The following ARG2 variants were observed in gnomAD, a reference collection of about 807,000 sequenced individuals.
The protein encoded by ARG2 is arginase 2, also known as arginase-2, mitochondrial.
In ARG2, 21 loss-of-function variants were observed where a neutral mutation model predicts 39.4. That is an observed-to-expected ratio of 0.53 (90% CI 0.38 to 0.77). ARG2 has a LOEUF of 0.77. Among genes scored for constraint, ARG2 ranks in the 30% least tolerant of loss-of-function variants. ARG2 has a pLI of 0.00. For missense variants in ARG2, 378 were observed against 426.2 expected, an observed-to-expected ratio of 0.89 and a Z score of 1.00; for synonymous variants, 150 against 156.7, an observed-to-expected ratio of 0.96 and a Z score of 0.32.
At chr14:67,645,586 G>C (rs551838214) in intron 3 of ARG2, 57 bp from the exon 4 acceptor site, 7 of 1,571,486 alleles carry the variant, frequency 4.5e-6, no homozygotes, top group Admixed American at 3.6e-5. Context: ...GAGGACGTTT[G>C]TTATCGGTCA....
intron 1 of ARG2, 126 bp downstream of exon 1, chr14:67,620,214 C>G: frequency 2.4e-6 from 1 of 420,550 alleles, no homozygotes; most frequent in South Asian, 2.1e-5. Flanking sequence ...AGGGGAAGAG[C>G]TGGCCGGTTC....
chr14:67,643,552 A>G (rs563989720), intron 3 of ARG2, among the ~76,000 whole-genome samples: 145 of 152,338 alleles, frequency 9.5e-4, no homozygotes, highest in African/African-American at 3.3e-3. Context: ...AGGTGGGCAC[A>G]GTGGTGCATG....
intron 7 of ARG2, chr14:67,649,019 C>A (rs1183693350): frequency 6.6e-6 from 1 of 152,128 alleles, no homozygotes; most frequent in Non-Finnish European, 1.5e-5. Flanking sequence ...TTAGGCAGTA[C>A]AAAAAGGCAG....
rs369377810 is a variant in ARG2, at chr14:67,642,165, T to C, written c.185-21T>C. 3.7e-6 allele frequency: 6 copies of C among 1,610,574 alleles called. No homozygotes were observed. In the African/African-American group the frequency reaches 8.0e-5, roughly 22 times the overall value. On this transcript the variant is annotated intron_variant, in intron 2 of 7. Coordinates refer to ENST00000261783, the MANE Select transcript of ARG2 (RefSeq NM_001172.4). ...GAGATAGCACAGAAAATTCATCTTG[T>C]CATCCCTCATTTGCTTCCAGGCTGC...
chr14:67,646,563 C>A, intron 4 of ARG2, 81 bp from the exon 5 acceptor site: 1 of 1,124,790 alleles, frequency 8.9e-7, no homozygotes, highest in South Asian at 1.4e-5. Flanking sequence ...AAGCAGATTG[C>A]ATACCCACGG....
Position 67,645,698 on chromosome 14 carries a change from GTC to G in ARG2, c.420_421del (p.Trp141GlyfsTer2). On this transcript the variant is annotated frameshift_variant, in exon 4 of 8. Transcript: ENST00000261783. LOFTEE classifies it high-confidence loss of function. ...CCGACACTGCCCAGACCTTTGTGTT[GTC>G]TGGGTTGATGCCCATGCTGACATCA... is the stretch of plus-strand genomic sequence containing the variant. Reference protein sequence around the residue: ...HARHCPDLCVVWVDAHADINT... With the variant: ...HARHCPDLCVXWVDAHADINT... 6.2e-7 allele frequency: 1 copy of G among 1,614,002 alleles called. No individual in the cohort carries two copies. The highest frequency in any genetic ancestry group is 8.5e-7 in the Non-Finnish European group (1 of 1,179,956).
At position 67,648,163 on chromosome 14, in the gene ARG2, C is replaced by T; in HGVS notation, c.839C>T (p.Ala280Val). The T allele has an allele frequency of 6.2e-7, 1 of 1,613,912 alleles. No homozygotes were observed. Among genetic ancestry groups the T allele is most frequent in the Non-Finnish European group, 8.5e-7 (1 of 1,179,868 alleles). The change falls in exon 7 of 8, where the codon GCT (alanine) becomes GTT (valine). Residue 280 changes from alanine (A) to valine (V), a missense_variant. Ala to Val is a moderately conservative substitution (Grantham distance 64, BLOSUM62 0). Transcript: ENST00000261783. The stretch of plus-strand genomic sequence containing the variant: ...ACCTATCGAGAAGGCATGTATATTG[C>T]TGAGGAAATACACAATACAGGTATG... ...GLTYREGMYI[A>V]EEIHNTGLLS...
chr14:67,623,534 C>CTTTT (rs60604937), intron 2 of ARG2, among the ~76,000 whole-genome samples: 889 of 82,944 alleles, frequency 0.011, 118 homozygotes, highest in African/African-American at 0.039. Flanking sequence ...CTCAGGTAAC[C>CTTTT]TTTTTTTTTT....
chr14:67,649,898 T>C (rs1393665427), intron 7 of ARG2: 1 of 152,190 alleles, frequency 6.6e-6, no homozygotes, highest in Non-Finnish European at 1.5e-5. Context: ...TTAAATTCTA[T>C]AGAGAAGTGA....
Position 67,620,037 on chromosome 14 carries a change from G to A in ARG2, c.60G>A (p.Lys20=). Reference sequence around the variant, plus strand: ...AGACGCGAGTGCATTCCATCCTGAAGAAATCCGTCCACTCCGTGGCTGTGA... The same window carrying A: ...AGACGCGAGTGCATTCCATCCTGAAAAAATCCGTCCACTCCGTGGCTGTGA... ...LLQTRVHSIL[K]KSVHSVAVIG... The change falls in exon 1 of 8, where the codon AAG becomes AAA. Residue 20 remains lysine, a synonymous_variant. Coordinates refer to ENST00000261783, the MANE Select transcript of ARG2 (RefSeq NM_001172.4). 6.2e-7 allele frequency: 1 copy of A among 1,612,398 alleles called. No individual in the cohort carries two copies. Among genetic ancestry groups the A allele is most frequent in the Non-Finnish European group, 8.5e-7 (1 of 1,179,312 alleles).
chr14:67,630,418 C>T (rs1291673911), intron 2 of ARG2, among the ~76,000 whole-genome samples: 7 of 152,144 alleles, frequency 4.6e-5, no homozygotes, highest in African/African-American at 1.7e-4. Context: ...GTTGTAGCCT[C>T]AGCAGCAGGA....
intron 6 of ARG2, chr14:67,647,292 C>G: frequency 2.9e-6 from 1 of 344,624 alleles, no homozygotes; most frequent in Non-Finnish European, 5.3e-6. Context: ...TCTGAGATGA[C>G]AAGCATTTAT....
At chr14:67,624,089 G>C (rs75112362) in intron 2 of ARG2, among the ~76,000 whole-genome samples, 1 of 152,108 alleles carries the variant, frequency 6.6e-6, no homozygotes, top group Non-Finnish European at 1.5e-5. Context: ...GGGCCTAAGA[G>C]AAATGAAAAG....
chr14:67,636,685 G>A (rs765907055), intron 2 of ARG2, among the ~76,000 whole-genome samples: 2 of 152,186 alleles, frequency 1.3e-5, no homozygotes, highest in Non-Finnish European at 2.9e-5. Flanking sequence ...CAAGGCCAAA[G>A]GTAACATCTG....
At position 67,619,936 on chromosome 14, in the gene ARG2, C is replaced by A; in HGVS notation, c.-42C>A. 2 of 1,384,650 alleles carry A rather than the reference C, an allele frequency of 1.4e-6. No individual in the cohort carries two copies. The highest frequency in any genetic ancestry group is 1.4e-5 in the South Asian group (1 of 73,016). The allele number at this position is 1,384,650 out of a possible 1,614,324, so 85.8% of individuals were successfully genotyped here. On this transcript the variant is annotated 5_prime_UTR_variant, in exon 1 of 8. Coordinates refer to ENST00000261783, the MANE Select transcript of ARG2 (RefSeq NM_001172.4). Reference sequence around the variant, plus strand: ...GTGGCGCTCACTCCCGGCTTCCAACCGCGCGGAGCCTCTGCCTTGGAGATT... The same window carrying A: ...GTGGCGCTCACTCCCGGCTTCCAACAGCGCGGAGCCTCTGCCTTGGAGATT...
chr14:67,641,046 T>C (rs2037024778), intron 2 of ARG2, among the ~76,000 whole-genome samples: 1 of 152,216 alleles, frequency 6.6e-6, no homozygotes, highest in Admixed American at 6.5e-5. Flanking sequence ...AATAACTGCC[T>C]ATCAGTAGCA....
intron 4 of ARG2, chr14:67,646,442 T>C (rs2037099436): frequency 1.8e-6 from 1 of 557,586 alleles, no homozygotes; most frequent in East Asian, 3.0e-5. Flanking sequence ...GAGAAAGCAA[T>C]ACTGTGTTCC....
intron 1 of ARG2, 81 bp downstream of exon 1, chr14:67,620,169 A>G: frequency 2.9e-6 from 3 of 1,020,626 alleles, no homozygotes; most frequent in African/African-American, 3.4e-5. Context: ...GGTGCGGGGG[A>G]CCGGGAGGCG....
At position 67,620,087 on chromosome 14, in the gene ARG2, A is replaced by G. The variant is rs759180300; in HGVS notation, c.110A>G (p.Gln37Arg). The G allele has an allele frequency of 1.3e-6, 2 of 1,597,996 alleles. No individual in the cohort carries two copies. The highest frequency in any genetic ancestry group is 1.7e-6 in the Non-Finnish European group (2 of 1,171,536). The change falls in exon 1 of 8, where the codon CAG (glutamine) becomes CGG (arginine). Residue 37 changes from glutamine (Q) to arginine (R), a missense_variant and splice_region_variant. By Grantham distance (43) the Gln-to-Arg change is conservative. Coordinates refer to ENST00000261783, the MANE Select transcript of ARG2 (RefSeq NM_001172.4). ...ATAGGAGCCCCGTTCTCACAAGGGCAGGTGAGAACTGGCACCTGGAACCGC... is the reference window on the plus strand; with the variant it reads ...ATAGGAGCCCCGTTCTCACAAGGGCGGGTGAGAACTGGCACCTGGAACCGC... ...AVIGAPFSQG[Q>R]KRKGVEHGPA...
Sources: gnomAD v4.1 joint callset for allele counts (sites outside exome capture counted in the v4.1 genomes callset) on GRCh38, gnomAD v4.1.1 for gene constraint, MANE v1.5 for transcripts, NCBI Gene and HGNC (gene_info 2026-07-23, HGNC 2026-07-21) for gene names.